GRID1: variants seen among roughly 807,000 people sequenced by gnomAD.
GRID1 encodes the protein glutamate receptor ionotropic, delta-1.
A neutral mutation model predicts 98.0 loss-of-function variants in GRID1; 28 were observed. That is an observed-to-expected ratio of 0.29 (90% CI 0.21 to 0.39). The LOEUF (loss-of-function observed/expected upper bound fraction) is 0.39, where lower values mean the gene tolerates loss of function less well. Among genes scored for constraint, GRID1 ranks in the 10% least tolerant of loss-of-function variants. GRID1 has a pLI of 1.00. For missense variants in GRID1, 1,111 were observed against 1,340.5 expected (o/e 0.83, Z 2.67); for synonymous variants, 553 against 538.5 (o/e 1.03, Z -0.37).
At chr10:86,057,829 T>A (rs1007395486) in intron 4 of GRID1, among the ~76,000 whole-genome samples, 1 of 152,250 alleles carries the variant, frequency 6.6e-6, no homozygotes, top group Non-Finnish European at 1.5e-5. Flanking sequence ...TTAGTTAATG[T>A]CTGTCTTTCC....
chr10:85,804,409 C>T (rs552688009), intron 8 of GRID1, among the ~76,000 whole-genome samples: 5 of 151,896 alleles, frequency 3.3e-5, no homozygotes, highest in African/African-American at 1.2e-4. Context: ...AAAGAAAATA[C>T]AGGTCTACAT....
At chr10:85,730,143 C>T (rs980508185) in intron 8 of GRID1, among the ~76,000 whole-genome samples, 6 of 152,204 alleles carry the variant, frequency 3.9e-5, no homozygotes, top group Non-Finnish European at 4.4e-5. Context: ...CACTGTGGTG[C>T]CAGCTCCCTC....
intron 12 of GRID1, chr10:85,708,700 A>G (rs371535412): frequency 9.2e-5 from 14 of 152,218 alleles, no homozygotes; most frequent in African/African-American, 3.4e-4. Context: ...CATGTGCCCA[A>G]TTCAGTGTTG....
At chr10:86,331,052 C>T (rs911276907) in intron 2 of GRID1, among the ~76,000 whole-genome samples, 1 of 152,242 alleles carries the variant, frequency 6.6e-6, no homozygotes, top group Admixed American at 6.5e-5. Flanking sequence ...CAGGGTCCCA[C>T]CATAAACAAT....
At chr10:86,175,033 C>T (rs1055153678) in intron 3 of GRID1, among the ~76,000 whole-genome samples, 1 of 152,172 alleles carries the variant, frequency 6.6e-6, no homozygotes, top group Non-Finnish European at 1.5e-5. Context: ...AACACTTTTA[C>T]ACTGTTGGTG....
intron 8 of GRID1, among the ~76,000 whole-genome samples, chr10:85,731,852 GAAGA>G (rs1564573272): frequency 7.7e-6 from 1 of 129,982 alleles, no homozygotes; most frequent in African/African-American, 3.0e-5. Flanking sequence ...AGGGAGGGAG[GAAGA>G]AAGGGAGGGA....
chr10:85,953,356 G>T (rs1802444465), intron 4 of GRID1, among the ~76,000 whole-genome samples: 1 of 152,140 alleles, frequency 6.6e-6, no homozygotes, highest in South Asian at 2.1e-4. Flanking sequence ...ACACACTGGG[G>T]CCTATTAGAG....
Position 85,601,879 on chromosome 10 carries a change from G to A in GRID1, c.*394C>T, listed in dbSNP as rs1396883827. On this transcript the variant is annotated 3_prime_UTR_variant, in exon 16 of 16. Transcript: ENST00000327946. ...TGGGACAAGGCAGCGAGTGGCATGT[G>A]GGGTTCCTCGTCTTCCCTTCTCCCC... The A allele has an allele frequency of 2.8e-5, 5 of 177,424 alleles. No individual in the cohort carries two copies. In the East Asian group the frequency reaches 7.7e-4, roughly 27 times the overall value. The allele number at this position is 177,424 out of a possible 1,614,324, so 11.0% of individuals were successfully genotyped here.
chr10:86,233,503 C>G (rs1242683213), intron 2 of GRID1, among the ~76,000 whole-genome samples: 2 of 152,168 alleles, frequency 1.3e-5, no homozygotes, highest in Non-Finnish European at 2.9e-5. Flanking sequence ...TAGGTGCCCC[C>G]TTCTCCAGCA....
chr10:85,636,292 T>C (rs1843040554), intron 13 of GRID1, among the ~76,000 whole-genome samples: 1 of 152,226 alleles, frequency 6.6e-6, no homozygotes, highest in Non-Finnish European at 1.5e-5. Context: ...AAAAGTGTCA[T>C]GTCCACTTTT....
intron 4 of GRID1, among the ~76,000 whole-genome samples, chr10:86,054,440 G>A (rs982091412): frequency 2.0e-5 from 3 of 152,146 alleles, no homozygotes; most frequent in Admixed American, 2.0e-4. Context: ...AATTTAGGCT[G>A]ATCTTCCCCT....
intron 12 of GRID1, among the ~76,000 whole-genome samples, chr10:85,716,994 G>C (rs1354190529): frequency 5.9e-5 from 9 of 152,186 alleles, no homozygotes. Context: ...TTGTCAAAGA[G>C]TACAGAATTT....
intron 4 of GRID1, among the ~76,000 whole-genome samples, chr10:85,982,685 G>A (rs532009837): frequency 2.0e-5 from 3 of 152,192 alleles, no homozygotes; most frequent in Non-Finnish European, 2.9e-5. Flanking sequence ...TGGGTATCCA[G>A]TAGGAGCATA....
intron 2 of GRID1, among the ~76,000 whole-genome samples, chr10:86,308,753 T>C (rs929277249): frequency 2.6e-5 from 4 of 152,154 alleles, no homozygotes; most frequent in Non-Finnish European, 5.9e-5. Context: ...GCTGAGGGCT[T>C]TCTTGCCACA....
At chr10:86,184,841 T>A (rs1165388400) in intron 3 of GRID1, among the ~76,000 whole-genome samples, 1 of 152,206 alleles carries the variant, frequency 6.6e-6, no homozygotes, top group Admixed American at 6.5e-5. Context: ...AAATCCATTG[T>A]ATCTATAAAC....
intron 13 of GRID1, chr10:85,646,285 GTC>G (rs1191441487): frequency 6.6e-6 from 1 of 152,256 alleles, no homozygotes; most frequent in Non-Finnish European, 1.5e-5. Flanking sequence ...GGCTGTACAT[GTC>G]TCTCGCCCCA....
At chr10:85,631,269 A>T (rs1328637859) in intron 13 of GRID1, among the ~76,000 whole-genome samples, 1 of 152,178 alleles carries the variant, frequency 6.6e-6, no homozygotes, top group East Asian at 1.9e-4. Context: ...CCTCTCTGTC[A>T]CATCAAAAGT....
chr10:86,155,285 G>C (rs1042978231), intron 3 of GRID1, among the ~76,000 whole-genome samples: 3 of 152,196 alleles, frequency 2.0e-5, no homozygotes, highest in Non-Finnish European at 4.4e-5. Context: ...TTTGGCTGTC[G>C]ACGGCCAACC....
chr10:85,903,930 G>A (rs28715106), intron 5 of GRID1, among the ~76,000 whole-genome samples: 9,175 of 152,276 alleles, frequency 0.06, 309 homozygotes, highest in Middle Eastern at 0.099. Context: ...GGCACCCTAT[G>A]TAAAGTGGAA....
Sources: allele counts gnomAD v4.1 joint callset (sites outside exome capture counted in the v4.1 genomes callset), GRCh38; gene constraint gnomAD v4.1.1; transcripts MANE v1.5; gene names NCBI Gene and HGNC (gene_info 2026-07-23, HGNC 2026-07-21).